The following CTCF variants were observed in gnomAD, a reference collection of about 807,000 sequenced individuals.
CTCF encodes the protein CCCTC-binding factor.
A neutral mutation model predicts 72.3 loss-of-function variants in CTCF; 7 were observed. That is an observed-to-expected ratio of 0.10 (90% CI 0.06 to 0.18). The LOEUF (loss-of-function observed/expected upper bound fraction) is 0.18. Among genes scored for constraint, CTCF ranks in the 10% least tolerant of loss-of-function variants. The pLI is 1.00. For synonymous variants in CTCF, 374 were observed against 315.8 expected (o/e 1.18, Z -1.95); for missense variants, 516 against 949.1 (o/e 0.54, Z 6.00).
intron 5 of CTCF, among the ~76,000 whole-genome samples, chr16:67,619,809 C>A (rs2052179155): frequency 1.3e-5 from 2 of 152,282 alleles, no homozygotes; most frequent in South Asian, 4.1e-4. Flanking sequence ...GTCTCGAACT[C>A]CTGACCTCAA....
chr16:67,601,302 TG>T, intron 2 of CTCF, among the ~76,000 whole-genome samples: 1 of 129,204 alleles, frequency 7.7e-6, no homozygotes, highest in East Asian at 2.1e-4. Flanking sequence ...ACCGTGTGTG[TG>T]TGTGTGTGTG....
chr16:67,588,519 G>A (rs1197807549), intron 2 of CTCF, among the ~76,000 whole-genome samples: 1 of 152,076 alleles, frequency 6.6e-6, no homozygotes, highest in African/African-American at 2.4e-5. Flanking sequence ...CAGCAAAAGT[G>A]TCATTTGGGC....
chr16:67,611,808 G>A, intron 3 of CTCF, 143 bp from the exon 4 acceptor site: 1 of 920,904 alleles, frequency 1.1e-6, no homozygotes, highest in South Asian at 1.5e-5. Flanking sequence ...AGAAGGAAAT[G>A]TATTAGTGAC....
chr16:67,633,554 A>G (rs562099619), intron 10 of CTCF, among the ~76,000 whole-genome samples: 2 of 152,282 alleles, frequency 1.3e-5, no homozygotes, highest in African/African-American at 4.8e-5. Flanking sequence ...AAGAGAATCA[A>G]TAATAGTTTC....
intron 2 of CTCF, among the ~76,000 whole-genome samples, chr16:67,578,264 AT>A (rs1411497019): frequency 6.7e-6 from 1 of 150,210 alleles, no homozygotes; most frequent in African/African-American, 2.5e-5. Context: ...ATAAATACCA[AT>A]TTCTGATGTA....
intron 2 of CTCF, among the ~76,000 whole-genome samples, chr16:67,602,036 G>A (rs142626358): frequency 3.3e-5 from 5 of 151,950 alleles, no homozygotes; most frequent in South Asian, 2.1e-4. Context: ...GCTAATTTTC[G>A]TATTTTTAGT....
intron 5 of CTCF, among the ~76,000 whole-genome samples, chr16:67,620,098 G>T (rs2052182491): frequency 6.6e-6 from 1 of 152,192 alleles, no homozygotes; most frequent in Admixed American, 6.6e-5. Context: ...CTGTAAATAG[G>T]CATGGATTAT....
intron 2 of CTCF, among the ~76,000 whole-genome samples, chr16:67,584,413 T>A (rs2051637577): frequency 7.2e-6 from 1 of 139,612 alleles, no homozygotes; most frequent in South Asian, 2.4e-4. Flanking sequence ...CGATCTCGGC[T>A]CACCGCAACC....
intron 5 of CTCF, among the ~76,000 whole-genome samples, chr16:67,617,435 C>G (rs1490796519): frequency 6.6e-6 from 1 of 152,060 alleles, no homozygotes; most frequent in Non-Finnish European, 1.5e-5. Flanking sequence ...AGAGGCAGAG[C>G]TTGCAGTGAG....
chr16:67,568,995 G>A (rs1484783177), intron 1 of CTCF, among the ~76,000 whole-genome samples: 2 of 151,762 alleles, frequency 1.3e-5, no homozygotes, highest in African/African-American at 4.8e-5. Flanking sequence ...ACACCACTAC[G>A]CCTGGTTAAT....
At chr16:67,601,335 G>GTGTGTTT (rs1555532999) in intron 2 of CTCF, among the ~76,000 whole-genome samples, 2 of 134,082 alleles carry the variant, frequency 1.5e-5, no homozygotes, top group Non-Finnish European at 3.2e-5. Flanking sequence ...GTGTGTGTGT[G>GTGTGTTT]TGTTTTGTTT....
At position 67,626,428 on chromosome 16, in the gene CTCF, G is replaced by C; in HGVS notation, c.1358-127G>C. The C allele has an allele frequency of 4.9e-6, 3 of 611,692 alleles. No homozygotes were observed. In the South Asian group the frequency reaches 1.4e-4, roughly 28 times the overall value. 37.9% of individuals were successfully genotyped at this position (611,692 alleles called of 1,614,324 possible). A position where few individuals can be genotyped will look rare whatever the true frequency, so the allele number is the denominator to read the frequency against. ...AGATTGCGCCACTGCACTCCAGCCT[G>C]GGTGACAGAGCAAGACTCCGTCTCA... is the stretch of plus-strand genomic sequence containing the variant. On this transcript the variant is annotated intron_variant, in intron 7 of 11. Transcript: ENST00000264010.
At chr16:67,567,478 T>G (rs1322366573) in intron 1 of CTCF, among the ~76,000 whole-genome samples, 1 of 152,222 alleles carries the variant, frequency 6.6e-6, no homozygotes, top group African/African-American at 2.4e-5. Flanking sequence ...AGAGGAGACT[T>G]TAGCTTCATC....
At chr16:67,567,962 A>G (rs904976167) in intron 1 of CTCF, 2 of 127,728 alleles carry the variant, frequency 1.6e-5, no homozygotes, top group Non-Finnish European at 3.1e-5. Flanking sequence ...CAGTGGTGTG[A>G]TCATGGCTCA....
chr16:67,596,522 T>A (rs1355321573), intron 2 of CTCF, among the ~76,000 whole-genome samples: 3 of 152,020 alleles, frequency 2.0e-5, no homozygotes, highest in Non-Finnish European at 4.4e-5. Flanking sequence ...TGGTTGGCCA[T>A]TTTCTTTTTA....
chr16:67,589,906 G>A (rs565498597), intron 2 of CTCF, among the ~76,000 whole-genome samples: 36 of 152,060 alleles, frequency 2.4e-4, no homozygotes, highest in South Asian at 4.2e-4. Context: ...GGCCAACATG[G>A]TGAAACCCTA....
chr16:67,604,995 G>A (rs768340481), intron 2 of CTCF, among the ~76,000 whole-genome samples: 1 of 68,082 alleles, frequency 1.5e-5, no homozygotes, highest in East Asian at 3.7e-4. Flanking sequence ...TTTTTTTTGA[G>A]ACAGTCTCGC....
intron 2 of CTCF, among the ~76,000 whole-genome samples, chr16:67,591,415 T>C (rs531644836): frequency 6.6e-6 from 1 of 152,350 alleles, no homozygotes; most frequent in East Asian, 1.9e-4. Context: ...GTCACTATTA[T>C]TTTTCTGCTT....
chr16:67,572,815 C>T (rs531366868), intron 2 of CTCF, among the ~76,000 whole-genome samples: 2 of 151,666 alleles, frequency 1.3e-5, no homozygotes, highest in South Asian at 4.2e-4. Flanking sequence ...TGGTGGGTGC[C>T]TGTAATCCCA....
Sources: allele counts gnomAD v4.1 joint callset (sites outside exome capture counted in the v4.1 genomes callset), GRCh38; gene constraint gnomAD v4.1.1; transcripts MANE v1.5; gene names NCBI Gene and HGNC (gene_info 2026-07-23, HGNC 2026-07-21).